The following GRM8 variants were observed in gnomAD, a reference collection of about 807,000 sequenced individuals.
GRM8 encodes the protein metabotropic glutamate receptor 8.
GRM8 carries 47 observed loss-of-function variants against 87.2 expected under a neutral mutation model. The observed-to-expected ratio is 0.54, with a 90% CI of 0.43 to 0.69. GRM8 has a LOEUF of 0.69. GRM8 is among the 30% of genes least tolerant of loss of function. The probability of loss-of-function intolerance (pLI) is 0.00; values close to 1 mark genes in which losing one functional copy is unlikely to be tolerated. For synonymous variants in GRM8, 396 were observed against 404.5 expected (o/e 0.98, Z 0.25); for missense variants, 1,019 against 1,139.2 (o/e 0.89, Z 1.52).
chr7:126,440,686 C>G (rs1457251399), intron 10 of GRM8, among the ~76,000 whole-genome samples: 2 of 152,020 alleles, frequency 1.3e-5, no homozygotes, highest in African/African-American at 4.8e-5. Flanking sequence ...AGGTTTGTAG[C>G]TTAGATAGAC....
At chr7:127,142,971 C>A (rs1264166293) in intron 2 of GRM8, among the ~76,000 whole-genome samples, 1 of 152,094 alleles carries the variant, frequency 6.6e-6, no homozygotes, top group Non-Finnish European at 1.5e-5. Flanking sequence ...ATGCCCCATG[C>A]ATCTTTCCAC....
intron 3 of GRM8, among the ~76,000 whole-genome samples, chr7:126,992,341 G>C (rs1401346642): frequency 6.6e-6 from 1 of 152,156 alleles, no homozygotes; most frequent in African/African-American, 2.4e-5. Flanking sequence ...TTCAGAAAGA[G>C]TGTATTGTGC....
intron 7 of GRM8, among the ~76,000 whole-genome samples, chr7:126,724,407 G>A (rs990885355): frequency 6.6e-6 from 1 of 152,024 alleles, no homozygotes; most frequent in African/African-American, 2.4e-5. Context: ...AGGAAAACTC[G>A]AGGCCCTAGA....
intron 3 of GRM8, among the ~76,000 whole-genome samples, chr7:126,905,333 C>A (rs1802566460): frequency 6.6e-6 from 1 of 152,028 alleles, no homozygotes; most frequent in African/African-American, 2.4e-5. Context: ...AAGACAGAAC[C>A]CTTCTTTTGG....
intron 8 of GRM8, among the ~76,000 whole-genome samples, chr7:126,548,812 T>C (rs1456038900): frequency 6.6e-6 from 1 of 152,172 alleles, no homozygotes; most frequent in Non-Finnish European, 1.5e-5. Flanking sequence ...TTTGGGCATC[T>C]GAAACTAGGG....
In GRM8 at chr7:127,243,248, C is replaced by T; in HGVS notation, c.-44G>A. On this transcript the variant is annotated 5_prime_UTR_variant, in exon 2 of 11. Transcript: ENST00000339582. ...TGCAATCCAAGACCCAAAGTTTATT[C>T]TTGCCACAGAAGAAAGGGCACCACC... The T allele has an allele frequency of 6.4e-7, 1 of 1,555,266 alleles. No individual in the cohort carries two copies. Among genetic ancestry groups the T allele is most frequent in the African/African-American group, 1.4e-5 (1 of 73,960 alleles).
chr7:126,647,360 TATAA>T (rs1803268786), intron 7 of GRM8, among the ~76,000 whole-genome samples: 1 of 150,654 alleles, frequency 6.6e-6, no homozygotes. Context: ...TATAGATAGA[TATAA>T]ATAGATATAT....
chr7:127,168,404 G>A (rs1007922519), intron 2 of GRM8, among the ~76,000 whole-genome samples: 1 of 152,136 alleles, frequency 6.6e-6, no homozygotes, highest in African/African-American at 2.4e-5. Context: ...CACTGTTGGT[G>A]GGAGTGTAAA....
chr7:126,464,506 C>T (rs1402787349), intron 9 of GRM8, among the ~76,000 whole-genome samples: 1 of 151,596 alleles, frequency 6.6e-6, no homozygotes, highest in Non-Finnish European at 1.5e-5. Context: ...TTACTCTTGC[C>T]ATTTTGTTAT....
intron 1 of GRM8, among the ~76,000 whole-genome samples, chr7:127,243,848 G>GTTTT (rs5887332): frequency 0.12 from 17,474 of 140,874 alleles, 1,228 homozygotes; most frequent in Middle Eastern, 0.25. Flanking sequence ...TTTCAAATCT[G>GTTTT]TTTTTTTTTT....
intron 3 of GRM8, among the ~76,000 whole-genome samples, chr7:126,908,976 C>A (rs903133999): frequency 1.3e-5 from 2 of 152,116 alleles, no homozygotes; most frequent in African/African-American, 4.8e-5. Flanking sequence ...ACCCTGATAC[C>A]CATTCACACT....
chr7:126,840,122 G>A (rs1796141593), intron 6 of GRM8, among the ~76,000 whole-genome samples: 1 of 152,110 alleles, frequency 6.6e-6, no homozygotes, highest in Non-Finnish European at 1.5e-5. Context: ...TGGTATTCAA[G>A]CCTGATAGGT....
At chr7:127,135,501 G>C (rs1195468202) in intron 2 of GRM8, among the ~76,000 whole-genome samples, 1 of 151,770 alleles carries the variant, frequency 6.6e-6, no homozygotes, top group Admixed American at 6.6e-5. Flanking sequence ...TTGTTCTGTA[G>C]TTAAGGATGG....
rs1366247374 is a variant in GRM8, at chr7:127,242,782, G to A, written c.423C>T (p.Phe141=). The change falls in exon 2 of 11, where the codon TTC becomes TTT. Residue 141 remains phenylalanine (F), a synonymous_variant. Transcript: ENST00000339582. The part of the protein sequence containing the change: ...VKCANGDPPI[F]TKPDKISGVI... ...CGCCAGAAATCTTGTCGGGCTTGGT[G>A]AAAATGGGTGGATCTCCATTAGCAC... The A allele has an allele frequency of 6.2e-7, 1 of 1,614,184 alleles. No individual in the cohort carries two copies.
intron 2 of GRM8, among the ~76,000 whole-genome samples, chr7:127,114,591 G>C (rs1826588011): frequency 6.6e-6 from 1 of 152,178 alleles, no homozygotes; most frequent in Admixed American, 6.5e-5. Flanking sequence ...AGAGAGAGGA[G>C]AGACAAGATC....
chr7:127,202,101 T>C (rs779146847), intron 2 of GRM8, among the ~76,000 whole-genome samples: 29 of 152,160 alleles, frequency 1.9e-4, no homozygotes, highest in Non-Finnish European at 3.4e-4. Context: ...TATATACTTG[T>C]GTATGTGATT....
intron 8 of GRM8, among the ~76,000 whole-genome samples, chr7:126,605,197 C>T (rs1162037541): frequency 6.6e-6 from 1 of 152,042 alleles, no homozygotes; most frequent in African/African-American, 2.4e-5. Context: ...TTACTCTGAA[C>T]CTCTAGGTTA....
chr7:126,633,517 A>G (rs1801551513), intron 7 of GRM8, among the ~76,000 whole-genome samples: 2 of 152,158 alleles, frequency 1.3e-5, no homozygotes, highest in Admixed American at 1.3e-4. Context: ...GAGCACTTGG[A>G]TGACAAAATC....
At chr7:127,064,572 A>G (rs1424318519) in intron 3 of GRM8, among the ~76,000 whole-genome samples, 2 of 152,194 alleles carry the variant, frequency 1.3e-5, no homozygotes, top group Non-Finnish European at 2.9e-5. Flanking sequence ...TTTTCTATCC[A>G]GCTTGCCACT....
Sources: allele counts gnomAD v4.1 joint callset (sites outside exome capture counted in the v4.1 genomes callset), GRCh38; gene constraint gnomAD v4.1.1; transcripts MANE v1.5; gene names NCBI Gene and HGNC (gene_info 2026-07-23, HGNC 2026-07-21).